The following VPS8 variants were observed in gnomAD, a reference collection of about 807,000 sequenced individuals.
VPS8 encodes the protein vacuolar protein sorting-associated protein 8 homolog.
VPS8 carries 129 observed loss-of-function variants against 216.4 expected under a neutral mutation model. The ratio of observed to expected loss-of-function variants is 0.60; its 90% CI spans 0.52 to 0.69. The LOEUF is 0.69. VPS8 is among the 30% of genes least tolerant of loss of function. The pLI, the probability that VPS8 is intolerant of heterozygous loss-of-function variation, is 0.00. For synonymous variants in VPS8, 571 were observed against 565.4 expected, an observed-to-expected ratio of 1.01 and a Z score of -0.14; for missense variants, 1,531 against 1,683.5, an observed-to-expected ratio of 0.91 and a Z score of 1.59.
At chr3:184,947,215 C>T (rs1423350014) in intron 36 of VPS8, among the ~76,000 whole-genome samples, 1 of 152,152 alleles carries the variant, frequency 6.6e-6, no homozygotes, top group Non-Finnish European at 1.5e-5. Flanking sequence ...CAGATAGAGG[C>T]GGGAGCAGAG....
intron 46 of VPS8, among the ~76,000 whole-genome samples, chr3:185,028,793 C>A (rs943546825): frequency 6.6e-6 from 1 of 152,194 alleles, no homozygotes; most frequent in South Asian, 2.1e-4. Context: ...GCTCATCTCC[C>A]ATTAGACGAT....
chr3:184,985,855 A>C (rs1406100529), intron 42 of VPS8, among the ~76,000 whole-genome samples: 1 of 152,224 alleles, frequency 6.6e-6, no homozygotes, highest in African/African-American at 2.4e-5. Flanking sequence ...AAGGAGACGA[A>C]TGTAGTAGAC....
intron 42 of VPS8, 68 bp from the exon 43 acceptor site, chr3:184,993,915 G>T: frequency 1.5e-6 from 2 of 1,291,720 alleles, no homozygotes; most frequent in Non-Finnish European, 1.1e-6. Flanking sequence ...GGCTTTTTCA[G>T]ATAACTTACA....
intron 46 of VPS8, among the ~76,000 whole-genome samples, chr3:185,031,787 C>T (rs1758207300): frequency 6.6e-6 from 1 of 152,218 alleles, no homozygotes; most frequent in African/African-American, 2.4e-5. Context: ...ATTGGTCAAA[C>T]TCCTGCCTTT....
chr3:184,881,464 T>C lies in VPS8; in HGVS notation c.1735-4646T>C, dbSNP rs138953165. Among the ~76,000 whole-genome samples, 3 of 152,282 alleles carry C rather than the reference T, an allele frequency of 2.0e-5. No individual in the cohort carries two copies. The East Asian group carries it at 5.8e-4, about 29-fold the overall frequency. ...CTTTGTCAAAAATCAGCTGGGCTTA[T>C]ATAGTGAATCTAATTCTAGGTTTTC... On this transcript the variant is annotated intron_variant, in intron 21 of 47. Coordinates refer to ENST00000625842, the MANE Select transcript of VPS8 (RefSeq NM_001009921.3).
chr3:184,834,082 G>T (rs1431891844), intron 4 of VPS8, among the ~76,000 whole-genome samples: 1 of 152,204 alleles, frequency 6.6e-6, no homozygotes, highest in Non-Finnish European at 1.5e-5. Context: ...GGGGGAATTT[G>T]AGGAGGTGGT....
At chr3:184,848,564 C>CTTTTTTTTTTTTTT (rs35715889) in intron 8 of VPS8, among the ~76,000 whole-genome samples, 1 of 87,204 alleles carries the variant, frequency 1.1e-5, no homozygotes, top group Admixed American at 1.2e-4. Flanking sequence ...TTCCTGTATT[C>CTTTTTTTTTTTTTT]TTTTTTTTTT....
chr3:184,963,016 CCA>C (rs1364009817), intron 37 of VPS8, among the ~76,000 whole-genome samples: 9 of 151,928 alleles, frequency 5.9e-5, no homozygotes, highest in Admixed American at 1.3e-4. Context: ...TCTGTGGGTT[CCA>C]TTCTCTTCCT....
chr3:185,028,448 A>T (rs963533116), intron 46 of VPS8, among the ~76,000 whole-genome samples: 5 of 152,202 alleles, frequency 3.3e-5, no homozygotes, highest in African/African-American at 1.2e-4. Context: ...GAAGTCTGGT[A>T]AAAGATAAAC....
intron 22 of VPS8, among the ~76,000 whole-genome samples, chr3:184,891,417 A>T (rs1732320875): frequency 6.6e-6 from 1 of 152,216 alleles, no homozygotes. Flanking sequence ...TGCAAAAGTA[A>T]TTGCAAATTT....
chr3:184,924,619 C>T (rs1431417860), intron 29 of VPS8, among the ~76,000 whole-genome samples: 1 of 152,112 alleles, frequency 6.6e-6, no homozygotes, highest in Non-Finnish European at 1.5e-5. Flanking sequence ...ACCTCTTTAT[C>T]AATTCAGGTC....
At chr3:185,002,418 A>G (rs577628287) in intron 45 of VPS8, among the ~76,000 whole-genome samples, 1 of 152,324 alleles carries the variant, frequency 6.6e-6, no homozygotes, top group South Asian at 2.1e-4. Flanking sequence ...TCGAGCATCA[A>G]GAAAGGTTCG....
chr3:184,895,467 G>T (rs948352505), intron 23 of VPS8, among the ~76,000 whole-genome samples: 2 of 151,580 alleles, frequency 1.3e-5, no homozygotes, highest in African/African-American at 4.9e-5. Flanking sequence ...AAATACTTCC[G>T]CTGTATCTGA....
rs2108505724 is a variant in VPS8, at chr3:184,824,542, A to C, written c.-88-3A>C. ...GTTTTTGTTTTTTTCTTTTTTTGAA[A>C]AGAGATAATCATTCAGGTCTTCGTG... On this transcript the variant is annotated splice_region_variant and splice_polypyrimidine_tract_variant and intron_variant, in intron 1 of 47. Coordinates refer to ENST00000625842, the MANE Select transcript of VPS8 (RefSeq NM_001009921.3). The C allele has an allele frequency of 6.6e-6, 9 of 1,353,588 alleles. No individual in the cohort carries two copies. The highest frequency in any genetic ancestry group is 9.1e-6 in the Non-Finnish European group (9 of 992,688). 83.8% of individuals were successfully genotyped at this position (1,353,588 alleles called of 1,614,324 possible).
intron 1 of VPS8, among the ~76,000 whole-genome samples, chr3:184,822,471 A>G (rs1329494992): frequency 6.6e-6 from 1 of 152,218 alleles, no homozygotes; most frequent in Non-Finnish European, 1.5e-5. Context: ...GCTGGAAAAA[A>G]TTGTTTTCCT....
chr3:184,958,225 T>C (rs1745943302), intron 37 of VPS8, among the ~76,000 whole-genome samples: 1 of 152,128 alleles, frequency 6.6e-6, no homozygotes, highest in African/African-American at 2.4e-5. Context: ...AGGAACAAAT[T>C]CGGGTACATT....
At chr3:184,823,285 G>A (rs1441243690) in intron 1 of VPS8, among the ~76,000 whole-genome samples, 1 of 152,224 alleles carries the variant, frequency 6.6e-6, no homozygotes, top group African/African-American at 2.4e-5. Context: ...GGCTGAGGCT[G>A]GAGGATGGCT....
chr3:185,023,763 T>C (rs1222227485), intron 45 of VPS8, among the ~76,000 whole-genome samples: 7 of 152,238 alleles, frequency 4.6e-5, no homozygotes, highest in Non-Finnish European at 7.3e-5. Flanking sequence ...AGATGGTGTT[T>C]CTTGTAGGCA....
chr3:184,897,516 TCGA>T (rs1733730551), intron 23 of VPS8, among the ~76,000 whole-genome samples: 2 of 152,202 alleles, frequency 1.3e-5, no homozygotes, highest in South Asian at 4.2e-4. Context: ...GGCGAAGATG[TCGA>T]ATTAAGTAGT....
Sources: allele counts gnomAD v4.1 joint callset (sites outside exome capture counted in the v4.1 genomes callset), GRCh38; gene constraint gnomAD v4.1.1; transcripts MANE v1.5; gene names NCBI Gene and HGNC (gene_info 2026-07-23, HGNC 2026-07-21).